Variants in DAGLB observed in about 807,000 individuals in gnomAD.
DAGLB encodes diacylglycerol lipase beta.
Under a neutral mutation model 72.1 loss-of-function variants are expected in DAGLB, and 66 were observed. The ratio of observed to expected loss-of-function variants is 0.92; its 90% CI spans 0.75 to 1.12. DAGLB has a LOEUF of 1.12. Among genes scored for constraint, DAGLB ranks in the 50% most tolerant of loss-of-function variants. The probability of loss-of-function intolerance (pLI) is 0.00; values close to 1 mark genes in which losing one functional copy is unlikely to be tolerated. For synonymous variants in DAGLB, 414 were observed against 359.5 expected (o/e 1.15, Z -1.71); for missense variants, 1,065 against 884.9 (o/e 1.20, Z -2.58).
intron 5 of DAGLB, among the ~76,000 whole-genome samples, chr7:6,432,121 C>A (rs982241027): frequency 6.6e-6 from 1 of 151,552 alleles, no homozygotes; most frequent in African/African-American, 2.4e-5. Flanking sequence ...GAAGCCGAGG[C>A]AGGCAGATTA....
In DAGLB at chr7:6,432,467, C is replaced by A. The variant is rs192442801; in HGVS notation, c.801+370G>T. Reference sequence around the variant, plus strand: ...GGTGAAGAGATGGAGACCATCCTGGCTAACACGGTGAAACCCCGTCTCTAC... The same window carrying A: ...GGTGAAGAGATGGAGACCATCCTGGATAACACGGTGAAACCCCGTCTCTAC... On this transcript the variant is annotated intron_variant, in intron 5 of 14. Transcript: ENST00000297056. Among the ~76,000 whole-genome samples, 322 of 150,410 alleles carry A rather than the reference C, an allele frequency of 2.1e-3. 1 individual carries two copies. The highest frequency in any genetic ancestry group is 7.3e-3 in the African/African-American group (299 of 40,784).
At chr7:6,428,087 C>T (rs1236583001) in intron 6 of DAGLB, among the ~76,000 whole-genome samples, 1 of 152,034 alleles carries the variant, frequency 6.6e-6, no homozygotes, top group Non-Finnish European at 1.5e-5. Context: ...TGGCTCATGC[C>T]TGTAATCCAA....
intron 2 of DAGLB, among the ~76,000 whole-genome samples, chr7:6,437,163 ATAATAAT>A (rs1784689933): frequency 1.5e-5 from 2 of 136,772 alleles, no homozygotes; most frequent in Non-Finnish European, 1.6e-5. Flanking sequence ...CAAAATAATA[ATAATAAT>A]AATAATAATA....
intron 9 of DAGLB, among the ~76,000 whole-genome samples, chr7:6,420,064 T>C (rs1038719394): frequency 1.3e-5 from 2 of 152,050 alleles, no homozygotes; most frequent in African/African-American, 2.4e-5. Context: ...GGAAGATCAC[T>C]TGAACCTGGG....
intron 1 of DAGLB, among the ~76,000 whole-genome samples, chr7:6,446,312 CAA>C (rs11315985): frequency 0.048 from 5,866 of 123,358 alleles, 189 homozygotes; most frequent in African/African-American, 0.083. Flanking sequence ...ACGAAAAATA[CAA>C]AAAAAAAAAA....
At chr7:6,410,570 A>G (rs1413222920) in intron 13 of DAGLB, among the ~76,000 whole-genome samples, 190 bp from the exon 14 acceptor site, 1 of 152,200 alleles carries the variant, frequency 6.6e-6, no homozygotes, top group East Asian at 1.9e-4. Flanking sequence ...ACAAGGCTCT[A>G]TGCCTAGTCA....
chr7:6,409,480 A>G lies in DAGLB; in HGVS notation c.*357T>C, dbSNP rs1783643267. ...TGAAAAGAGCTGCCTTGGGGGTGGG[A>G]GGCTAAGGAACTGTTCACGGTCTTC... is the stretch of plus-strand genomic sequence containing the variant. On this transcript the variant is annotated 3_prime_UTR_variant, in exon 15 of 15. Coordinates refer to ENST00000297056, the MANE Select transcript of DAGLB (RefSeq NM_139179.4). 7.8e-6 allele frequency: 2 copies of G among 254,938 alleles called. No homozygotes were observed. The highest frequency in any genetic ancestry group is 6.5e-5 in the South Asian group (1 of 15,462). 15.8% of individuals were successfully genotyped at this position (254,938 alleles called of 1,614,324 possible). A position where few individuals can be genotyped will look rare whatever the true frequency, so the allele number is the denominator to read the frequency against.
At position 6,444,183 on chromosome 7, in the gene DAGLB, G is replaced by C. The variant is rs564713438; in HGVS notation, c.247+1770C>G. ...CAGCTACTTGGGGGTTGAGAAGAGA[G>C]GATTGCTTGAGCCCAGGTATTTGAG... On this transcript the variant is annotated intron_variant, in intron 2 of 14. Transcript: ENST00000297056. 6.4e-4 allele frequency among the ~76,000 whole-genome samples: 98 copies of C among 152,278 alleles called. 1 individual carries two copies. Among genetic ancestry groups the C allele is most frequent in the Admixed American group, 1.4e-3 (22 of 15,288 alleles).
intron 11 of DAGLB, among the ~76,000 whole-genome samples, chr7:6,414,337 G>T (rs1783833096): frequency 6.7e-6 from 1 of 150,006 alleles, no homozygotes; most frequent in Non-Finnish European, 1.5e-5. Context: ...TTTTGAGACG[G>T]AGTGTAGCTC....
intron 7 of DAGLB, among the ~76,000 whole-genome samples, chr7:6,425,447 T>C (rs1784276516): frequency 6.6e-6 from 1 of 152,178 alleles, no homozygotes; most frequent in South Asian, 2.1e-4. Context: ...AATTTTTGTA[T>C]TTTTAGTAGA....
In DAGLB at chr7:6,434,880, G is replaced by T; in HGVS notation, c.560C>A (p.Thr187Lys). 6.2e-7 allele frequency: 1 copy of T among 1,614,216 alleles called. No homozygotes were observed. The change falls in exon 4 of 15, where the codon ACA (threonine) becomes AAA (lysine). Residue 187 changes from threonine (T) to lysine (K), a missense_variant. Transcript: ENST00000297056. Reference sequence around the variant, plus strand: ...GGTTTCCCACACGCTTGTAGCTGCTGTCTTGAGGCCATTAAGTAACTGGCT... The same window carrying T: ...GGTTTCCCACACGCTTGTAGCTGCTTTCTTGAGGCCATTAAGTAACTGGCT... ...DSSQLLNGLK[T>K]AATSVWETRI...
rs193241668 is a variant in DAGLB at position 6,425,517 on chromosome 7, G to A, written c.1056+471C>T. 3.9e-5 allele frequency among the ~76,000 whole-genome samples: 6 copies of A among 152,148 alleles called. No individual in the cohort carries two copies. In the East Asian group the frequency reaches 5.8e-4, roughly 15 times the overall value. ...GAACTCCTGACCTTATGATCCACCC[G>A]CCTCGGCCTCTCAAAGTGCTGGGAT... On this transcript the variant is annotated intron_variant, in intron 7 of 14. Transcript: ENST00000297056.
chr7:6,447,865 C>G lies in DAGLB; in HGVS notation c.-23G>C, dbSNP rs376947846. ...CATGGCGAAGGTCCCGTAGCTCGCA[C>G]TCAGGAGAGACCCCGCGCGCCGTTC... is the stretch of plus-strand genomic sequence containing the variant. On this transcript the variant is annotated 5_prime_UTR_variant, in exon 1 of 15. Coordinates refer to ENST00000297056, the MANE Select transcript of DAGLB (RefSeq NM_139179.4). 264 of 1,597,056 alleles carry G rather than the reference C, an allele frequency of 1.7e-4. 1 individual carries two copies. The African/African-American group carries it at 2.8e-3, about 17-fold the overall frequency.
intron 6 of DAGLB, among the ~76,000 whole-genome samples, chr7:6,430,268 T>TAC (rs1562485002): frequency 8.3e-6 from 1 of 120,412 alleles, no homozygotes; most frequent in Admixed American, 8.3e-5. Context: ...TATATATATA[T>TAC]ATATATATAT....
intron 11 of DAGLB, among the ~76,000 whole-genome samples, chr7:6,415,558 G>A (rs1182839967): frequency 1.3e-5 from 2 of 151,002 alleles, no homozygotes; most frequent in Middle Eastern, 6.3e-3. Context: ...AAACTTTTCA[G>A]CCAGGCGTGG....
chr7:6,433,244 ATATTTTGTAAAGT>A (rs1784547078), intron 4 of DAGLB, among the ~76,000 whole-genome samples: 1 of 152,296 alleles, frequency 6.6e-6, no homozygotes, highest in Admixed American at 6.5e-5. Context: ...TCTACTTCAA[ATATTTTGTAAAGT>A]GGAGAAATCA....
Position 6,415,718 on chromosome 7 carries a change from G to A in DAGLB, c.1427+909C>T, listed in dbSNP as rs183622695. Among the ~76,000 whole-genome samples the A allele has an allele frequency of 2.2e-3, 332 of 151,580 alleles. 3 individuals carry two copies. Among genetic ancestry groups the A allele is most frequent in the South Asian group, 2.9e-3 (14 of 4,768 alleles). ...AAATTAGCCGGGTGTGGTGGCGGGCGCCTGTAGTCCCAGCTACTCGGGAGG... is the reference window on the plus strand; with the variant it reads ...AAATTAGCCGGGTGTGGTGGCGGGCACCTGTAGTCCCAGCTACTCGGGAGG... On this transcript the variant is annotated intron_variant, in intron 11 of 14. Coordinates refer to ENST00000297056, the MANE Select transcript of DAGLB (RefSeq NM_139179.4).
At chr7:6,421,639 C>A (rs1422369313) in intron 9 of DAGLB, 88 bp downstream of exon 9, 1 of 1,355,584 alleles carries the variant, frequency 7.4e-7, no homozygotes, top group East Asian at 2.5e-5. Context: ...GCGCAGGCAG[C>A]GCGGGCTCTG....
intron 1 of DAGLB, among the ~76,000 whole-genome samples, chr7:6,446,316 A>G (rs1199941673): frequency 6.7e-6 from 1 of 149,000 alleles, no homozygotes; most frequent in Non-Finnish European, 1.5e-5. Context: ...AAAATACAAA[A>G]AAAAAAAAAA....
Sources: allele counts gnomAD v4.1 joint callset (sites outside exome capture counted in the v4.1 genomes callset), GRCh38; gene constraint gnomAD v4.1.1; transcripts MANE v1.5; gene names NCBI Gene and HGNC (gene_info 2026-07-23, HGNC 2026-07-21).